Variants in MASP2 observed in about 807,000 individuals in gnomAD.
MASP2 encodes the protein MBL associated serine protease 2.
MASP2 carries 49 observed loss-of-function variants against 57.1 expected under a neutral mutation model. The ratio of observed to expected loss-of-function variants is 0.86; its 90% CI spans 0.68 to 1.09. The LOEUF is 1.09. Among genes scored for constraint, MASP2 ranks in the 50% least tolerant of loss-of-function variants. The pLI is 0.00. For missense variants in MASP2, 900 were observed against 874.8 expected (o/e 1.03, Z -0.36); for synonymous variants, 379 against 340.8 (o/e 1.11, Z -1.24).
chr1:11,038,477 C>T (rs1237393925), intron 6 of MASP2, among the ~76,000 whole-genome samples: 7 of 152,170 alleles, frequency 4.6e-5, no homozygotes, highest in Non-Finnish European at 8.8e-5. Context: ...TCATGAGCTG[C>T]ATTCCACTCT....
chr1:11,043,317 A>G (rs1161525889), intron 5 of MASP2, 22 bp downstream of exon 5: 2 of 1,589,562 alleles, frequency 1.3e-6, no homozygotes, highest in Non-Finnish European at 8.6e-7. Context: ...CTGGGACAAG[A>G]TGAGGGGCCC....
intron 2 of MASP2, 43 bp from the exon 3 acceptor site, chr1:11,046,776 C>T (rs1241771126): frequency 1.3e-6 from 2 of 1,588,706 alleles, no homozygotes; most frequent in Non-Finnish European, 1.7e-6. Context: ...AAGACCCAGG[C>T]CTGATCTCCC....
At position 11,043,526 on chromosome 1, in the gene MASP2, G is replaced by T; in HGVS notation, c.554C>A (p.Ser185Tyr). 1 of 1,599,238 alleles carries T rather than the reference G, an allele frequency of 6.3e-7. No homozygotes were observed. Among genetic ancestry groups the T allele is most frequent in the South Asian group, 1.1e-5 (1 of 88,568 alleles). ...RNKRTCSALC[S>Y]GQVFTQRSGE... ...AGACCTCTGGGTGAAGACCTGGCCG[G>T]AGCACAGGGCTGGAAGGAGGGAAGG... Residue 185 changes from serine to tyrosine, a missense_variant, in exon 5 of 11, where the codon TCC (serine) becomes TAC (tyrosine). Physicochemically the swap from Ser to Tyr is moderately radical, Grantham distance 144 (BLOSUM62 -2). Transcript: ENST00000400897.
intron 4 of MASP2, 50 bp downstream of exon 4, chr1:11,045,358 C>T (rs1404916061): frequency 6.2e-7 from 1 of 1,610,256 alleles, no homozygotes; most frequent in African/African-American, 1.3e-5. Context: ...CCTGAGGAGC[C>T]CCGGGTATCC....
At chr1:11,034,787 TC>T in intron 8 of MASP2, 40 bp downstream of exon 8, 1 of 1,393,614 alleles carries the variant, frequency 7.2e-7, no homozygotes, top group Non-Finnish European at 9.9e-7. Flanking sequence ...CAGAGGGAGT[TC>T]CGGGCGGTTA....
Position 11,043,363 on chromosome 1 carries a change from G to T in MASP2, c.717C>A (p.Thr239=). Residue 239 remains threonine (T), a synonymous_variant, in exon 5 of 11, where the codon ACC becomes ACA. Transcript: ENST00000400897. ...CCTTGAGAAAGTCGTAGGGACACAG[G>T]GTTTCAGGGTGTGTCTCCACATCGA... The part of the protein sequence containing the change: ...ESFDVETHPE[T]LCPYDFLKIQ... 2 of 1,608,594 alleles carry T rather than the reference G, an allele frequency of 1.2e-6. No individual in the cohort carries two copies. The highest frequency in any genetic ancestry group is 1.7e-6 in the Non-Finnish European group (2 of 1,177,972).
intron 7 of MASP2, among the ~76,000 whole-genome samples, chr1:11,036,286 T>C (rs894293496): frequency 6.6e-6 from 1 of 151,008 alleles, no homozygotes; most frequent in Admixed American, 6.6e-5. Flanking sequence ...GGGTGGATCA[T>C]GAGGTCAGGA....
At position 11,027,167 on chromosome 1, in the gene MASP2, A is replaced by G. The variant is rs1643750062; in HGVS notation, c.1779T>C (p.Val593=). ...RNLMYVDIPI[V]DHQKCTAAYE... ...ATGCAGCAGTACATTTTTGATGGTC[A>G]ACAATCGGTATGTCGACATACATTA... Residue 593 remains valine, a synonymous_variant, in exon 11 of 11, where the codon GTT becomes GTC. Coordinates refer to ENST00000400897, the MANE Select transcript of MASP2 (RefSeq NM_006610.4). The G allele has an allele frequency of 1.2e-6, 2 of 1,614,136 alleles. No homozygotes were observed. Among genetic ancestry groups the G allele is most frequent in the South Asian group, 1.1e-5 (1 of 91,054 alleles).
intron 7 of MASP2, among the ~76,000 whole-genome samples, chr1:11,035,977 T>G (rs559478044): frequency 4.0e-5 from 6 of 151,842 alleles, no homozygotes; most frequent in African/African-American, 1.4e-4. Flanking sequence ...CAAGTGTGTC[T>G]GTGTATCTGT....
At chr1:11,043,635 G>A (rs1309703427) in intron 4 of MASP2, 100 bp from the exon 5 acceptor site, 3 of 806,476 alleles carry the variant, frequency 3.7e-6, no homozygotes, top group Non-Finnish European at 3.9e-6. Context: ...ACTGGGACAG[G>A]GATGTGGCTG....
In MASP2 at chr1:11,026,841, AG is replaced by A. The variant is rs1371205099; in HGVS notation, c.*43del. ...GCCACGTCGCTGCCAAGGTCTTCAC[AG>A]GCATTTCTAAAAATGAAGAATCCTT... On this transcript the variant is annotated 3_prime_UTR_variant, in exon 11 of 11. Transcript: ENST00000400897. The A allele has an allele frequency of 6.9e-7, 1 of 1,446,024 alleles. No individual in the cohort carries two copies. Among genetic ancestry groups the A allele is most frequent in the East Asian group, 2.5e-5 (1 of 39,852 alleles). 89.6% of individuals were successfully genotyped at this position (1,446,024 alleles called of 1,614,324 possible).
At chr1:11,034,949 A>C in intron 7 of MASP2, 43 bp from the exon 8 acceptor site, 1 of 1,367,918 alleles carries the variant, frequency 7.3e-7, no homozygotes, top group Non-Finnish European at 1.0e-6. Context: ...TGTTTATATC[A>C]TAAAATCACT....
rs758518990 is a variant in MASP2 at position 11,043,402 on chromosome 1, G to A, written c.678C>T (p.Asp226=). Residue 226 remains aspartate (D), a synonymous_variant, in exon 5 of 11, where the codon GAC becomes GAT. Transcript: ENST00000400897. The part of the protein sequence containing the change: ...SLEEGFSVIL[D]FVESFDVETH... ...TCTCCACATCGAAGGACTCCACAAA[G>A]TCCAGAATGACACTGAACCCCTCCT... is the stretch of plus-strand genomic sequence containing the variant. 5 of 1,610,800 alleles carry A rather than the reference G, an allele frequency of 3.1e-6. No individual in the cohort carries two copies. The Admixed American group carries it at 6.7e-5, about 22-fold the overall frequency.
chr1:11,032,642 C>T (rs1643863131), intron 8 of MASP2, among the ~76,000 whole-genome samples: 1 of 145,726 alleles, frequency 6.9e-6, no homozygotes, highest in Non-Finnish European at 1.5e-5. Context: ...GTCACGGTGG[C>T]TCACGCCTGT....
At chr1:11,037,621 A>G in intron 7 of MASP2, 72 bp downstream of exon 7, 3 of 912,604 alleles carry the variant, frequency 3.3e-6, no homozygotes, top group Non-Finnish European at 5.0e-6. Flanking sequence ...CCTTTCACAT[A>G]TCTGCAGATA....
chr1:11,035,981 T>C (rs978057891), intron 7 of MASP2, among the ~76,000 whole-genome samples: 13 of 151,870 alleles, frequency 8.6e-5, no homozygotes, highest in Non-Finnish European at 1.8e-4. Context: ...TGTGTCTGTG[T>C]ATCTGTCTAG....
intron 4 of MASP2, chr1:11,044,917 G>A: frequency 6.2e-7 from 1 of 1,603,546 alleles, no homozygotes; most frequent in South Asian, 1.1e-5. Context: ...GACCTGCTGG[G>A]CAGGCCGGAG....
chr1:11,032,440 T>C (rs1387741712), intron 8 of MASP2, among the ~76,000 whole-genome samples: 5 of 150,636 alleles, frequency 3.3e-5, no homozygotes, highest in Non-Finnish European at 5.9e-5. Context: ...GGTGAAACCC[T>C]GCCTCTACTA....
chr1:11,027,083 T>C lies in MASP2; in HGVS notation c.1863A>G (p.Leu621=), dbSNP rs768536633. Residue 621 remains leucine (L), a synonymous_variant, in exon 11 of 11, where the codon TTA becomes TTG. Coordinates refer to ENST00000400897, the MANE Select transcript of MASP2 (RefSeq NM_006610.4). ...TGCAGCTGTCCTTGCCCCCACTTTC[T>C]AAGCCAGCACAAAGCATGTTAGCAG... ...SVTANMLCAG[L]ESGGKDSCRG... 11 of 1,598,496 alleles carry C rather than the reference T, an allele frequency of 6.9e-6. No individual in the cohort carries two copies. In the South Asian group the frequency reaches 1.2e-4, roughly 18 times the overall value.
Sources: allele counts gnomAD v4.1 joint callset (sites outside exome capture counted in the v4.1 genomes callset), GRCh38; gene constraint gnomAD v4.1.1; transcripts MANE v1.5; gene names NCBI Gene and HGNC (gene_info 2026-07-23, HGNC 2026-07-21).